The following XKR4 variants were observed in gnomAD, a reference collection of about 807,000 sequenced individuals.
XKR4 encodes XK related 4, also known as XK-related protein 4.
In XKR4, 12 loss-of-function variants were observed where a neutral mutation model predicts 53.9. The observed-to-expected ratio is 0.22, with a 90% CI of 0.14 to 0.36. XKR4 has a LOEUF of 0.36. XKR4 is among the 10% of genes least tolerant of loss of function. The pLI is 1.00. For synonymous variants in XKR4, 354 were observed against 362.4 expected (o/e 0.98, Z 0.26); for missense variants, 799 against 859.5 (o/e 0.93, Z 0.88).
intron 1 of XKR4, among the ~76,000 whole-genome samples, chr8:55,287,373 C>T (rs186910099): frequency 3.7e-4 from 57 of 152,286 alleles, no homozygotes; most frequent in African/African-American, 1.3e-3. Context: ...AATCTAAGCA[C>T]ATTTGCATAT....
In XKR4 at chr8:55,540,166, T is replaced by C. The variant is rs1032390473; in HGVS notation, c.*15939T>C. ...AACTACCATTTTCAGCAAAGATTCATGTGATTATGCTGCTGAGGACCAGTC... is the reference window on the plus strand; with the variant it reads ...AACTACCATTTTCAGCAAAGATTCACGTGATTATGCTGCTGAGGACCAGTC... On this transcript the variant is annotated 3_prime_UTR_variant, in exon 3 of 3. Transcript: ENST00000327381. The C allele has an allele frequency of 6.6e-6, 1 of 152,238 alleles. No individual in the cohort carries two copies. The highest frequency in any genetic ancestry group is 1.5e-5 in the Non-Finnish European group (1 of 68,044). The allele number at this position is 152,238 out of a possible 1,614,324, so 9.4% of individuals were successfully genotyped here.
At chr8:55,365,145 C>T (rs1803957858) in intron 2 of XKR4, among the ~76,000 whole-genome samples, 1 of 152,186 alleles carries the variant, frequency 6.6e-6, no homozygotes, top group Admixed American at 6.5e-5. Context: ...CCTCAGGACC[C>T]CTGGGAGGAC....
chr8:55,419,223 A>G (rs999546796), intron 2 of XKR4, among the ~76,000 whole-genome samples: 9 of 152,114 alleles, frequency 5.9e-5, no homozygotes, highest in African/African-American at 2.2e-4. Context: ...CGTCTCTACT[A>G]AAAATACAAA....
intron 1 of XKR4, among the ~76,000 whole-genome samples, chr8:55,313,799 T>G (rs989225461): frequency 3.3e-5 from 5 of 152,148 alleles, no homozygotes; most frequent in African/African-American, 9.7e-5. Flanking sequence ...TTGGGGGCTC[T>G]CGTTTGAAAG....
At chr8:55,311,784 A>C (rs972433434) in intron 1 of XKR4, among the ~76,000 whole-genome samples, 1 of 149,104 alleles carries the variant, frequency 6.7e-6, no homozygotes, top group Admixed American at 6.8e-5. Flanking sequence ...GTAAAAGAAA[A>C]GTCATATAGA....
At chr8:55,439,326 C>T (rs554234726) in intron 2 of XKR4, among the ~76,000 whole-genome samples, 1 of 152,326 alleles carries the variant, frequency 6.6e-6, no homozygotes, top group East Asian at 1.9e-4. Flanking sequence ...AGATGCGCTC[C>T]TTCCCAATCA....
At chr8:55,374,447 CA>C (rs1274891553) in intron 2 of XKR4, among the ~76,000 whole-genome samples, 1 of 152,170 alleles carries the variant, frequency 6.6e-6, no homozygotes, top group African/African-American at 2.4e-5. Context: ...CACTGTACCT[CA>C]AGCTGAGTTG....
chr8:55,167,866 A>G (rs1316715083), intron 1 of XKR4, among the ~76,000 whole-genome samples: 1 of 152,226 alleles, frequency 6.6e-6, no homozygotes, highest in East Asian at 1.9e-4. Flanking sequence ...CATAGAAGCC[A>G]GAGGAGTGGC....
chr8:55,116,208 C>T (rs1816306247), intron 1 of XKR4, among the ~76,000 whole-genome samples: 1 of 152,088 alleles, frequency 6.6e-6, no homozygotes, highest in Non-Finnish European at 1.5e-5. Context: ...GAACATTCCT[C>T]TGCCTTAGCT....
chr8:55,451,636 C>T lies in XKR4; in HGVS notation c.1007-71645C>T, dbSNP rs907471461. Reference sequence around the variant, plus strand: ...GTTCTGGCGGTAGCAGTAGGACACGCGCTGCAGGGCGTTGTCCTGGACACT... The same window carrying T: ...GTTCTGGCGGTAGCAGTAGGACACGTGCTGCAGGGCGTTGTCCTGGACACT... On this transcript the variant is annotated intron_variant, in intron 2 of 2. Transcript: ENST00000327381. The T allele has an allele frequency of 7.9e-5, 123 of 1,549,050 alleles. 4 individuals carry two copies. The highest frequency in any genetic ancestry group is 1.9e-5 in the Non-Finnish European group (22 of 1,138,578).
intron 1 of XKR4, among the ~76,000 whole-genome samples, chr8:55,129,173 A>G (rs1213993061): frequency 2.0e-5 from 3 of 152,232 alleles, no homozygotes; most frequent in Non-Finnish European, 4.4e-5. Flanking sequence ...AGAGAACCCA[A>G]AGATTTCAGG....
At chr8:55,499,131 A>G (rs1482528873) in intron 2 of XKR4, among the ~76,000 whole-genome samples, 6 of 152,240 alleles carry the variant, frequency 3.9e-5, no homozygotes, top group Non-Finnish European at 2.9e-5. Context: ...AAGAATGTCG[A>G]CTGACTTCTA....
At chr8:55,324,088 G>A (rs906492894) in intron 1 of XKR4, among the ~76,000 whole-genome samples, 1 of 151,974 alleles carries the variant, frequency 6.6e-6, no homozygotes, top group Admixed American at 6.6e-5. Flanking sequence ...TTATCTTAGG[G>A]TTGACATTTT....
intron 1 of XKR4, among the ~76,000 whole-genome samples, chr8:55,312,828 C>T (rs1421408408): frequency 3.3e-5 from 5 of 152,152 alleles, no homozygotes; most frequent in African/African-American, 1.2e-4. Context: ...ATCTAAGACC[C>T]TTTCTATCAT....
intron 2 of XKR4, chr8:55,452,480 G>C (rs1563354218): frequency 4.7e-6 from 3 of 632,826 alleles, no homozygotes; most frequent in Admixed American, 4.6e-5. Flanking sequence ...CCGGTGGCAG[G>C]TAGATGCGCA....
intron 1 of XKR4, among the ~76,000 whole-genome samples, chr8:55,258,122 C>T (rs920720749): frequency 3.3e-5 from 5 of 152,204 alleles, no homozygotes; most frequent in Admixed American, 3.3e-4. Context: ...CAACAAACAA[C>T]TCTCCATGAG....
chr8:55,265,756 A>T (rs187022545), intron 1 of XKR4, among the ~76,000 whole-genome samples: 1 of 152,122 alleles, frequency 6.6e-6, no homozygotes, highest in East Asian at 1.9e-4. Flanking sequence ...CAAGGCGGGC[A>T]GATCATGAGG....
intron 1 of XKR4, among the ~76,000 whole-genome samples, chr8:55,184,354 T>A (rs953768748): frequency 6.6e-6 from 1 of 152,192 alleles, no homozygotes; most frequent in Non-Finnish European, 1.5e-5. Flanking sequence ...TGAAACTAGA[T>A]GTCTCGCAGA....
intron 2 of XKR4, chr8:55,450,650 AAGAT>A (rs1390553234): frequency 3.2e-6 from 2 of 618,332 alleles, no homozygotes; most frequent in African/African-American, 3.8e-5. Flanking sequence ...GAACTACAGG[AAGAT>A]AGTGTGAAGC....
Sources: allele counts gnomAD v4.1 joint callset (sites outside exome capture counted in the v4.1 genomes callset), GRCh38; gene constraint gnomAD v4.1.1; transcripts MANE v1.5; gene names NCBI Gene and HGNC (gene_info 2026-07-23, HGNC 2026-07-21).